The following TMC1 variants were observed in gnomAD, a reference collection of about 807,000 sequenced individuals.
TMC1 encodes transmembrane channel-like protein 1.
Under a neutral mutation model 105.8 loss-of-function variants are expected in TMC1, and 84 were observed. The observed-to-expected ratio is 0.79, with a 90% CI of 0.67 to 0.95. TMC1 has a LOEUF of 0.95. Ranked by LOEUF, TMC1 falls within the 40% of genes least tolerant of loss-of-function variation. TMC1 has a pLI of 0.00. For synonymous variants in TMC1, 315 were observed against 311.5 expected, an observed-to-expected ratio of 1.01 and a Z score of -0.12; for missense variants, 817 against 914.1, an observed-to-expected ratio of 0.89 and a Z score of 1.37.
chr9:72,760,701 A>C (rs561871694), intron 12 of TMC1, among the ~76,000 whole-genome samples: 3 of 152,322 alleles, frequency 2.0e-5, no homozygotes, highest in Admixed American at 1.3e-4. Context: ...GAACAGAAGC[A>C]GAATAGATTT....
chr9:72,786,393 G>C (rs1274757300), intron 13 of TMC1, among the ~76,000 whole-genome samples: 1 of 152,268 alleles, frequency 6.6e-6, no homozygotes, highest in African/African-American at 2.4e-5. Context: ...GCATTGAGCC[G>C]AGATCGCGCC....
intron 4 of TMC1, among the ~76,000 whole-genome samples, chr9:72,631,495 A>C (rs1825449807): frequency 3.9e-5 from 6 of 152,224 alleles, no homozygotes; most frequent in Admixed American, 3.9e-4. Flanking sequence ...GAAAGAGAGA[A>C]ATTATAGAAA....
At chr9:72,763,913 G>A (rs1257396049) in intron 12 of TMC1, among the ~76,000 whole-genome samples, 1 of 152,124 alleles carries the variant, frequency 6.6e-6, no homozygotes, top group South Asian at 2.1e-4. Flanking sequence ...GGAGATCAAG[G>A]AAGAATCTTT....
intron 8 of TMC1, among the ~76,000 whole-genome samples, chr9:72,725,666 C>T (rs963342379): frequency 2.0e-5 from 3 of 151,758 alleles, no homozygotes; most frequent in African/African-American, 7.3e-5. Context: ...TCTGCCTTCC[C>T]CAGCCCACTG....
intron 11 of TMC1, among the ~76,000 whole-genome samples, chr9:72,753,803 A>G (rs1429556648): frequency 6.6e-6 from 1 of 152,152 alleles, no homozygotes; most frequent in Non-Finnish European, 1.5e-5. Flanking sequence ...TTTTGCCCCA[A>G]GGTCCTGTGT....
chr9:72,743,998 T>A (rs766593364), intron 10 of TMC1, among the ~76,000 whole-genome samples: 5 of 152,212 alleles, frequency 3.3e-5, no homozygotes, highest in Non-Finnish European at 7.3e-5. Flanking sequence ...TGTGGCGTTG[T>A]ATAATTAAAA....
At chr9:72,606,325 T>C (rs1353059609) in intron 2 of TMC1, among the ~76,000 whole-genome samples, 1 of 151,378 alleles carries the variant, frequency 6.6e-6, no homozygotes, top group Non-Finnish European at 1.5e-5. Context: ...GGGGATGGGA[T>C]AAGAGAGAGA....
At chr9:72,538,592 A>G (rs955040497) in intron 1 of TMC1, among the ~76,000 whole-genome samples, 1 of 151,998 alleles carries the variant, frequency 6.6e-6, no homozygotes, top group African/African-American at 2.4e-5. Flanking sequence ...GTCCACCACC[A>G]TGCCTGGCTA....
At chr9:72,830,705 T>A (rs1006806919) in intron 23 of TMC1, 23 bp downstream of exon 23, 1 of 1,587,348 alleles carries the variant, frequency 6.3e-7, no homozygotes, top group African/African-American at 1.4e-5. Flanking sequence ...TTTATGTTTG[T>A]AATGTTTGTA....
At chr9:72,598,879 G>A (rs1431506710) in intron 2 of TMC1, among the ~76,000 whole-genome samples, 3 of 152,082 alleles carry the variant, frequency 2.0e-5, no homozygotes, top group African/African-American at 4.8e-5. Flanking sequence ...TCATCTACAC[G>A]TGGTTAGATG....
At chr9:72,619,832 AATTT>A (rs199564426) in intron 3 of TMC1, among the ~76,000 whole-genome samples, 3,618 of 138,648 alleles carry the variant, frequency 0.026, 60 homozygotes, top group Middle Eastern at 0.044. Flanking sequence ...TTAATTAATT[AATTT>A]ATTTATTTAT....
At chr9:72,678,224 C>T (rs940146570) in intron 5 of TMC1, among the ~76,000 whole-genome samples, 1 of 151,912 alleles carries the variant, frequency 6.6e-6, no homozygotes, top group African/African-American at 2.4e-5. Context: ...TCATTTGACC[C>T]GTGTCTATTC....
intron 1 of TMC1, among the ~76,000 whole-genome samples, chr9:72,523,886 A>G (rs1198812755): frequency 6.6e-6 from 1 of 152,238 alleles, no homozygotes; most frequent in East Asian, 1.9e-4. Flanking sequence ...AAGAACTCAA[A>G]GCCGGTAAAT....
intron 1 of TMC1, among the ~76,000 whole-genome samples, chr9:72,543,153 A>G (rs1823706540): frequency 6.6e-6 from 1 of 152,138 alleles, no homozygotes; most frequent in Non-Finnish European, 1.5e-5. Context: ...TTTCTCATTC[A>G]ACTAGTTTCT....
chr9:72,829,500 CACAA>C (rs2118327261), intron 21 of TMC1, among the ~76,000 whole-genome samples: 1 of 152,176 alleles, frequency 6.6e-6, no homozygotes, highest in East Asian at 1.9e-4. Context: ...ACACACCACA[CACAA>C]ACACACACAC....
intron 18 of TMC1, among the ~76,000 whole-genome samples, chr9:72,806,578 C>T (rs1197433312): frequency 6.7e-6 from 1 of 148,970 alleles, no homozygotes; most frequent in Admixed American, 6.6e-5. Flanking sequence ...CTCCTCACTT[C>T]TCAGATGGGG....
At chr9:72,752,453 C>A (rs1827595273) in intron 11 of TMC1, among the ~76,000 whole-genome samples, 1 of 151,638 alleles carries the variant, frequency 6.6e-6, no homozygotes, top group South Asian at 2.1e-4. Flanking sequence ...CCACAACACA[C>A]ACACACACAC....
intron 12 of TMC1, among the ~76,000 whole-genome samples, chr9:72,768,772 A>G (rs1404057811): frequency 6.6e-6 from 1 of 152,216 alleles, no homozygotes; most frequent in Non-Finnish European, 1.5e-5. Context: ...TAACAAGCTC[A>G]CCAGATGCTT....
intron 8 of TMC1, among the ~76,000 whole-genome samples, chr9:72,708,688 G>A (rs1293554559): frequency 1.3e-5 from 2 of 151,986 alleles, no homozygotes; most frequent in African/African-American, 4.8e-5. Flanking sequence ...AGGGTTTTCT[G>A]GGTATATGAT....
Sources: gnomAD v4.1 joint callset for allele counts (sites outside exome capture counted in the v4.1 genomes callset) on GRCh38, gnomAD v4.1.1 for gene constraint, MANE v1.5 for transcripts, NCBI Gene and HGNC (gene_info 2026-07-23, HGNC 2026-07-21) for gene names.